The following PSMA4 variants were observed in gnomAD, a reference collection of about 807,000 sequenced individuals.
The protein encoded by PSMA4 is proteasome 20S subunit alpha 4, also known as proteasome subunit alpha type-4.
PSMA4 carries 8 observed loss-of-function variants against 37.2 expected under a neutral mutation model. The observed-to-expected ratio is 0.22, with a 90% CI of 0.13 to 0.39. PSMA4 has a LOEUF of 0.39. PSMA4 is among the 10% of genes least tolerant of loss of function. PSMA4 has a pLI of 1.00. For missense variants in PSMA4, 169 were observed against 305.1 expected (o/e 0.55, Z 3.32); for synonymous variants, 93 against 98.8 (o/e 0.94, Z 0.35).
At chr15:78,544,819 C>A in intron 5 of PSMA4, 50 bp from the exon 6 acceptor site, 2 of 1,260,434 alleles carry the variant, frequency 1.6e-6, no homozygotes, top group East Asian at 2.3e-5. Context: ...TCCTTAGAGT[C>A]TGTCTGTGTT....
In PSMA4 at chr15:78,551,182, A is replaced by G. The variant is rs985920722; in HGVS notation, c.*2238A>G. 3 of 152,208 alleles carry G rather than the reference A, an allele frequency of 2.0e-5. No homozygotes were observed. Among genetic ancestry groups the G allele is most frequent in the Admixed American group, 6.6e-5 (1 of 15,266 alleles). The allele number at this position is 152,208 out of a possible 1,614,324, so 9.4% of individuals were successfully genotyped here. On this transcript the variant is annotated 3_prime_UTR_variant, in exon 9 of 9. Coordinates refer to ENST00000044462, the MANE Select transcript of PSMA4 (RefSeq NM_002789.6). ...CAGCAGCAGCCACAGTGATCCTTTCAAAATGTAAACGGTACTACTGCACAG... is the reference window on the plus strand; with the variant it reads ...CAGCAGCAGCCACAGTGATCCTTTCGAAATGTAAACGGTACTACTGCACAG...
intron 5 of PSMA4, 81 bp downstream of exon 5, chr15:78,544,348 C>G: frequency 1.9e-6 from 2 of 1,032,424 alleles, no homozygotes; most frequent in Non-Finnish European, 2.8e-6. Context: ...CAGAGTCTCA[C>G]TCTGTCACCC....
At position 78,541,941 on chromosome 15, in the gene PSMA4, A is replaced by G. The variant is rs1347341093; in HGVS notation, c.3+11A>G. 2.5e-6 allele frequency: 4 copies of G among 1,595,436 alleles called. No homozygotes were observed. The highest frequency in any genetic ancestry group is 3.4e-6 in the Non-Finnish European group (4 of 1,168,780). On this transcript the variant is annotated intron_variant, in intron 2 of 8. Coordinates refer to ENST00000044462, the MANE Select transcript of PSMA4 (RefSeq NM_002789.6). Reference sequence around the variant, plus strand: ...AGTTCAGAAAACATGGTGAGTTAATACACATGCCAATAAACGGTTGCCTGA... The same window carrying G: ...AGTTCAGAAAACATGGTGAGTTAATGCACATGCCAATAAACGGTTGCCTGA...
rs1349168486 is a variant in PSMA4 at position 78,546,590 on chromosome 15, T to C, written c.523T>C (p.Leu175=). 3 of 1,587,176 alleles carry C rather than the reference T, an allele frequency of 1.9e-6. No individual in the cohort carries two copies. Among genetic ancestry groups the C allele is most frequent in the Non-Finnish European group, 8.5e-7 (1 of 1,173,366 alleles). ...GNNSAAAVSM[L]KQDYKEGEMT... ...TGTTTTATAGGCAGCTGTGTCAATG[T>C]TGAAACAAGACTATAAAGAAGGAGA... Residue 175 remains leucine (L), a synonymous_variant, in exon 8 of 9, where the codon TTG becomes CTG. Transcript: ENST00000044462.
chr15:78,541,242 G>A (rs78880694), intron 1 of PSMA4: 2,918 of 152,196 alleles, frequency 0.019, 79 homozygotes, highest in East Asian at 0.066. Context: ...TGTGGGCCTT[G>A]GACTGAGGCT....
At chr15:78,544,703 T>C in intron 5 of PSMA4, 166 bp from the exon 6 acceptor site, 3 of 504,414 alleles carry the variant, frequency 5.9e-6, no homozygotes, top group South Asian at 7.2e-5. Context: ...TTACAAAATA[T>C]TATTTACTAT....
chr15:78,541,539 C>G (rs1019527811), intron 1 of PSMA4: 5 of 268,920 alleles, frequency 1.9e-5, no homozygotes, highest in African/African-American at 7.0e-5. Flanking sequence ...TTCTTTCTTC[C>G]CCTGTTCTTT....
In PSMA4 at chr15:78,542,227, A is replaced by G. The variant is rs370654381; in HGVS notation, c.46+8A>G. On this transcript the variant is annotated splice_region_variant and intron_variant, in intron 3 of 8. Coordinates refer to ENST00000044462, the MANE Select transcript of PSMA4 (RefSeq NM_002789.6). ...CTATATTTTCTCCAGAAGGTAAAAT[A>G]GAAATTGTTTAATCTGCCTCAAGTT... The G allele has an allele frequency of 1.7e-5, 27 of 1,592,632 alleles. No homozygotes were observed. In the African/African-American group the frequency reaches 3.3e-4, roughly 19 times the overall value.
chr15:78,544,502 T>C, intron 5 of PSMA4: 1 of 471,840 alleles, frequency 2.1e-6, no homozygotes, highest in East Asian at 4.0e-5. Context: ...GGTTTCACTG[T>C]GTTAGCCAGG....
chr15:78,550,232 C>G lies in PSMA4; in HGVS notation c.*1288C>G, dbSNP rs1242275588. 1 of 152,172 alleles carries G rather than the reference C, an allele frequency of 6.6e-6. No homozygotes were observed. The highest frequency in any genetic ancestry group is 1.9e-4 in the East Asian group (1 of 5,194). The allele number at this position is 152,172 out of a possible 1,614,324, so 9.4% of individuals were successfully genotyped here. On this transcript the variant is annotated 3_prime_UTR_variant, in exon 9 of 9. Coordinates refer to ENST00000044462, the MANE Select transcript of PSMA4 (RefSeq NM_002789.6). ...TTTTTATCAACTGATCAGTACATAA[C>G]CTGTTTTTTGTGTATTTCTACTTAA...
rs202116427 is a variant in PSMA4 at position 78,545,089 on chromosome 15, TAAG to T, written c.376+135_376+137del. On this transcript the variant is annotated intron_variant, in intron 6 of 8. Transcript: ENST00000044462. ...AAATTTAATTTTTTTAATTGGCAAATAAGAATTGTACATATTCATGAGGTACAT... is the reference window on the plus strand; with the variant it reads ...AAATTTAATTTTTTTAATTGGCAAATAATTGTACATATTCATGAGGTACAT... 3.1e-3 allele frequency: 1,791 copies of T among 587,154 alleles called. 26 individuals are homozygous for T. The highest frequency in any genetic ancestry group is 0.03 in the African/African-American group (1,602 of 53,290). 36.4% of individuals were successfully genotyped at this position (587,154 alleles called of 1,614,324 possible).
At chr15:78,544,460 C>T (rs545976224) in intron 5 of PSMA4, 193 bp downstream of exon 5, 6 of 507,814 alleles carry the variant, frequency 1.2e-5, no homozygotes, top group East Asian at 3.6e-5. Context: ...ACCACCACAC[C>T]GGGTTAATTT....
At chr15:78,542,315 G>A in intron 3 of PSMA4, 96 bp downstream of exon 3, 1 of 1,426,274 alleles carries the variant, frequency 7.0e-7, no homozygotes, top group Non-Finnish European at 9.6e-7. Context: ...TAGTTGCAAA[G>A]TTCATCCTTT....
At position 78,546,566 on chromosome 15, in the gene PSMA4, GTT is replaced by G. The variant is rs1436196078; in HGVS notation, c.508-6_508-5del. On this transcript the variant is annotated splice_polypyrimidine_tract_variant and splice_region_variant and intron_variant, in intron 7 of 8. Coordinates refer to ENST00000044462, the MANE Select transcript of PSMA4 (RefSeq NM_002789.6). The stretch of plus-strand genomic sequence containing the variant: ...AACTTAAAATTCTATGTTGATTCAT[GTT>G]TTATAGGCAGCTGTGTCAATGTTGA... The G allele has an allele frequency of 6.4e-7, 1 of 1,571,168 alleles. No homozygotes were observed. The highest frequency in any genetic ancestry group is 8.6e-7 in the Non-Finnish European group (1 of 1,168,736).
In PSMA4 at chr15:78,550,462, C is replaced by T. The variant is rs1326955633; in HGVS notation, c.*1518C>T. The T allele has an allele frequency of 1.3e-5, 2 of 150,254 alleles. No individual in the cohort carries two copies. The highest frequency in any genetic ancestry group is 2.9e-5 in the Non-Finnish European group (2 of 67,898). The allele number at this position is 150,254 out of a possible 1,614,324, so 9.3% of individuals were successfully genotyped here. On this transcript the variant is annotated 3_prime_UTR_variant, in exon 9 of 9. Coordinates refer to ENST00000044462, the MANE Select transcript of PSMA4 (RefSeq NM_002789.6). Reference sequence around the variant, plus strand: ...CCTCCCAAAGTGTTGACATCACAGCCCTCTTATGCTTAGGAACAACACTAA... The same window carrying T: ...CCTCCCAAAGTGTTGACATCACAGCTCTCTTATGCTTAGGAACAACACTAA...
chr15:78,541,596 C>CT, intron 1 of PSMA4: 1 of 351,530 alleles, frequency 2.8e-6, no homozygotes, highest in Non-Finnish European at 5.3e-6. Context: ...TCTCCCATCT[C>CT]TGATTTACTT....
rs1337355352 is a variant in PSMA4 at position 78,542,572 on chromosome 15, G to A, written c.136G>A (p.Ala46Thr). 1 of 1,614,144 alleles carries A rather than the reference G, an allele frequency of 6.2e-7. No homozygotes were observed. Among genetic ancestry groups the A allele is most frequent in the East Asian group, 2.2e-5 (1 of 44,886 alleles). ...TTTAGCAAATGATGGTGTTTTGCTT[G>A]CAGCAGAGAGACGCAACATCCACAA... The part of the protein sequence containing the change: ...GILANDGVLL[A>T]AERRNIHKLL... Residue 46 changes from alanine to threonine, a missense_variant, in exon 4 of 9, where the codon GCA becomes ACA. Transcript: ENST00000044462.
chr15:78,542,778 C>T (rs2052477887), intron 4 of PSMA4, 133 bp downstream of exon 4: 3 of 810,608 alleles, frequency 3.7e-6, no homozygotes, highest in Non-Finnish European at 5.7e-6. Flanking sequence ...CTTGAAACCT[C>T]TTTGAGGCCT....
rs888538848 is a variant in PSMA4, at chr15:78,551,618, A to C, written c.*2674A>C. ...TTTGTTTCTTGTCTCTCCCCACTGG[A>C]ATACAGACTTCCAGAGCAGTACTTT... On this transcript the variant is annotated 3_prime_UTR_variant, in exon 9 of 9. Coordinates refer to ENST00000044462, the MANE Select transcript of PSMA4 (RefSeq NM_002789.6). 1 of 151,972 alleles carries C rather than the reference A, an allele frequency of 6.6e-6. No homozygotes were observed. Among genetic ancestry groups the C allele is most frequent in the African/African-American group, 2.4e-5 (1 of 41,352 alleles). 9.4% of individuals were successfully genotyped at this position (151,972 alleles called of 1,614,324 possible).
Sources: gnomAD v4.1 joint callset for allele counts on GRCh38, gnomAD v4.1.1 for gene constraint, MANE v1.5 for transcripts, NCBI Gene and HGNC (gene_info 2026-07-23, HGNC 2026-07-21) for gene names.